The following MAGI1 variants were observed in gnomAD, a reference collection of about 807,000 sequenced individuals.
The protein encoded by MAGI1 is membrane-associated guanylate kinase, WW and PDZ domain-containing protein 1.
MAGI1 carries 58 observed loss-of-function variants against 139.9 expected under a neutral mutation model. That is an observed-to-expected ratio of 0.41 (90% CI 0.34 to 0.52). The LOEUF (loss-of-function observed/expected upper bound fraction) is 0.52. Ranked by LOEUF, MAGI1 falls within the 20% of genes least tolerant of loss-of-function variation. The pLI is 0.12. For synonymous variants in MAGI1, 812 were observed against 737.9 expected (o/e 1.10, Z -1.63); for missense variants, 1,874 against 1,901.6 (o/e 0.99, Z 0.27).
chr3:65,655,907 G>A (rs1347142085), intron 1 of MAGI1, among the ~76,000 whole-genome samples: 2 of 152,182 alleles, frequency 1.3e-5, no homozygotes, highest in Non-Finnish European at 2.9e-5. Flanking sequence ...CTTTGTGTGA[G>A]AAGTCATGTT....
At chr3:65,714,613 T>C (rs1320488616) in intron 1 of MAGI1, among the ~76,000 whole-genome samples, 1 of 152,010 alleles carries the variant, frequency 6.6e-6, no homozygotes, top group Non-Finnish European at 1.5e-5. Flanking sequence ...AACTGTATAA[T>C]AGGCTAAATT....
At chr3:65,634,975 G>A (rs2084525147) in intron 1 of MAGI1, among the ~76,000 whole-genome samples, 1 of 152,182 alleles carries the variant, frequency 6.6e-6, no homozygotes, top group Admixed American at 6.5e-5. Context: ...TGGCATGGGT[G>A]TAGCAAGATG....
At chr3:65,855,290 G>A (rs1287147078) in intron 1 of MAGI1, among the ~76,000 whole-genome samples, 2 of 151,832 alleles carry the variant, frequency 1.3e-5, no homozygotes, top group Non-Finnish European at 2.9e-5. Flanking sequence ...AAAGAAATGG[G>A]AGGAAAGGGC....
At chr3:65,643,382 G>A (rs963413375) in intron 1 of MAGI1, among the ~76,000 whole-genome samples, 2 of 152,170 alleles carry the variant, frequency 1.3e-5, no homozygotes, top group Non-Finnish European at 2.9e-5. Context: ...TGTCTCATTT[G>A]CTATCTACGA....
chr3:65,505,782 A>C (rs1198624515), intron 2 of MAGI1, among the ~76,000 whole-genome samples: 9 of 151,954 alleles, frequency 5.9e-5, no homozygotes, highest in Non-Finnish European at 1.0e-4. Flanking sequence ...CTAAAGAATT[A>C]TATACTTTAA....
chr3:65,937,142 T>C (rs1210997930), intron 1 of MAGI1, among the ~76,000 whole-genome samples: 1 of 152,162 alleles, frequency 6.6e-6, no homozygotes, highest in African/African-American at 2.4e-5. Context: ...GGAAATAAAC[T>C]AGCAATAGAC....
intron 5 of MAGI1, among the ~76,000 whole-genome samples, chr3:65,460,860 C>T (rs1949733454): frequency 6.6e-6 from 1 of 152,096 alleles, no homozygotes; most frequent in Non-Finnish European, 1.5e-5. Flanking sequence ...CATCCATGTC[C>T]CTGCAAAGGA....
chr3:65,905,506 T>C (rs906175573), intron 1 of MAGI1, among the ~76,000 whole-genome samples: 1 of 151,178 alleles, frequency 6.6e-6, no homozygotes. Context: ...AAAAAAAAAA[T>C]TCTTTTTCTT....
chr3:65,694,636 C>A (rs1233716983), intron 1 of MAGI1, among the ~76,000 whole-genome samples: 1 of 152,192 alleles, frequency 6.6e-6, no homozygotes, highest in Non-Finnish European at 1.5e-5. Context: ...TCGGCTCATT[C>A]CCAGCAATAC....
chr3:65,652,061 T>A (rs966710829), intron 1 of MAGI1, among the ~76,000 whole-genome samples: 5 of 152,312 alleles, frequency 3.3e-5, no homozygotes, highest in South Asian at 2.1e-4. Context: ...ATTATTTATA[T>A]ACATGCAATC....
At chr3:65,848,992 C>T (rs1303422296) in intron 1 of MAGI1, among the ~76,000 whole-genome samples, 10 of 115,114 alleles carry the variant, frequency 8.7e-5, no homozygotes, top group Non-Finnish European at 1.7e-4. Context: ...CAAGACTATT[C>T]AGAGCATTCT....
At chr3:65,534,906 C>T (rs1347805140) in intron 2 of MAGI1, among the ~76,000 whole-genome samples, 1 of 152,140 alleles carries the variant, frequency 6.6e-6, no homozygotes, top group Non-Finnish European at 1.5e-5. Flanking sequence ...TTGTTCAACC[C>T]CATCACCATG....
intron 14 of MAGI1, among the ~76,000 whole-genome samples, chr3:65,388,563 G>A (rs1943633568): frequency 6.6e-6 from 1 of 152,070 alleles, no homozygotes; most frequent in African/African-American, 2.4e-5. Flanking sequence ...CGAGATTGAT[G>A]CACGATCATT....
chr3:65,923,104 A>C (rs763759652), intron 1 of MAGI1, among the ~76,000 whole-genome samples: 5 of 152,238 alleles, frequency 3.3e-5, no homozygotes, highest in Non-Finnish European at 7.3e-5. Context: ...TCCCAGGATC[A>C]CATGCCCCAG....
chr3:65,542,792 A>G (rs1360224861), intron 2 of MAGI1, among the ~76,000 whole-genome samples: 1 of 152,204 alleles, frequency 6.6e-6, no homozygotes, highest in African/African-American at 2.4e-5. Context: ...CTAAAACCAT[A>G]AAACCATAGA....
chr3:65,887,544 C>G (rs1038461674), intron 1 of MAGI1, among the ~76,000 whole-genome samples: 1 of 152,060 alleles, frequency 6.6e-6, no homozygotes, highest in Non-Finnish European at 1.5e-5. Flanking sequence ...AAACCTGTAT[C>G]TATTTCTTTA....
chr3:65,550,870 C>T (rs2079793710), intron 2 of MAGI1, among the ~76,000 whole-genome samples: 1 of 151,910 alleles, frequency 6.6e-6, no homozygotes, highest in African/African-American at 2.4e-5. Flanking sequence ...ACTTGGGAGG[C>T]TGAGGTGAGA....
intron 2 of MAGI1, among the ~76,000 whole-genome samples, chr3:65,602,136 T>A (rs560309353): frequency 1.3e-5 from 2 of 152,300 alleles, no homozygotes; most frequent in South Asian, 4.1e-4. Flanking sequence ...GTTTAGCCAC[T>A]TTGGAAAACA....
At chr3:65,378,414 G>A (rs554016302) in intron 17 of MAGI1, among the ~76,000 whole-genome samples, 303 of 152,184 alleles carry the variant, frequency 2.0e-3, no homozygotes, top group Middle Eastern at 3.4e-3. Flanking sequence ...AAATTCCTAT[G>A]GGGATAGAGT....
Sources: allele counts gnomAD v4.1 joint callset (sites outside exome capture counted in the v4.1 genomes callset), GRCh38; gene constraint gnomAD v4.1.1; transcripts MANE v1.5; gene names NCBI Gene and HGNC (gene_info 2026-07-23, HGNC 2026-07-21).